Variants in IL1RAPL1 observed in about 807,000 individuals in gnomAD.
IL1RAPL1 encodes the protein interleukin-1 receptor accessory protein-like 1.
A neutral mutation model predicts 48.4 loss-of-function variants in IL1RAPL1; 3 were observed. The observed-to-expected ratio is 0.06, with a 90% CI of 0.03 to 0.16. The LOEUF (loss-of-function observed/expected upper bound fraction) is 0.16. Among genes scored for constraint, IL1RAPL1 ranks in the 10% least tolerant of loss-of-function variants. The pLI is 1.00. For synonymous variants in IL1RAPL1, 185 were observed against 187.7 expected (o/e 0.99, Z 0.12); for missense variants, 349 against 530.6 (o/e 0.66, Z 3.36).
At chrX:29,135,770 C>T (rs954885253) in intron 2 of IL1RAPL1, among the ~76,000 whole-genome samples, 5 of 111,655 alleles carry the variant, frequency 4.5e-5, no homozygotes, top group Non-Finnish European at 9.4e-5. Flanking sequence ...GTTTCACTCC[C>T]GTCACCCAGG....
chrX:29,105,376 A>G (rs941803786), intron 2 of IL1RAPL1, among the ~76,000 whole-genome samples: 1 of 112,052 alleles, frequency 8.9e-6, no homozygotes, highest in African/African-American at 3.2e-5. Flanking sequence ...TAAGGAATGA[A>G]ACTTTACACA....
intron 2 of IL1RAPL1, among the ~76,000 whole-genome samples, chrX:29,007,365 T>G (rs937781241): frequency 2.7e-5 from 3 of 112,037 alleles, no homozygotes; most frequent in African/African-American, 9.7e-5. Flanking sequence ...TATGATGTTC[T>G]TTAACATTTT....
At position 29,616,263 on chromosome X, in the gene IL1RAPL1, G is replaced by A. The variant is rs1029165215; in HGVS notation, c.704-52167G>A. On this transcript the variant is annotated intron_variant, in intron 5 of 10. Transcript: ENST00000378993. ...CATTCTGGGTCACTTTAGACTCATCGTAGCACTGATTTGGAGGAAAACAGT... is the reference window on the plus strand; with the variant it reads ...CATTCTGGGTCACTTTAGACTCATCATAGCACTGATTTGGAGGAAAACAGT... Among the ~76,000 whole-genome samples the A allele has an allele frequency of 8.1e-5, 9 of 110,761 alleles. No homozygotes were observed. In the East Asian group the frequency reaches 8.5e-4, roughly 10 times the overall value.
intron 6 of IL1RAPL1, among the ~76,000 whole-genome samples, chrX:29,724,656 G>T (rs1206556439): frequency 3.6e-5 from 4 of 111,779 alleles, no homozygotes; most frequent in Admixed American, 9.5e-5. Context: ...GACAGACCTG[G>T]CTTCAAATCT....
intron 2 of IL1RAPL1, among the ~76,000 whole-genome samples, chrX:28,972,600 G>A (rs1256022832): frequency 1.8e-5 from 2 of 110,682 alleles, no homozygotes; most frequent in African/African-American, 3.3e-5. Flanking sequence ...TTAGCCGGGC[G>A]TGGTGGCGGG....
At chrX:29,142,194 A>G (rs1752432146) in intron 2 of IL1RAPL1, among the ~76,000 whole-genome samples, 1 of 112,164 alleles carries the variant, frequency 8.9e-6, no homozygotes, top group African/African-American at 3.2e-5. Flanking sequence ...ATTTAAAAAT[A>G]ACTTTTATTA....
chrX:29,722,178 T>C (rs1267697199), intron 6 of IL1RAPL1, among the ~76,000 whole-genome samples: 1 of 111,984 alleles, frequency 8.9e-6, no homozygotes, highest in African/African-American at 3.2e-5. Flanking sequence ...TAGTTACCTT[T>C]TTTGTGGTAA....
At chrX:29,255,140 TGC>T (rs1555982068) in intron 2 of IL1RAPL1, among the ~76,000 whole-genome samples, 36 of 96,973 alleles carry the variant, frequency 3.7e-4, no homozygotes, top group Non-Finnish European at 5.0e-4. Flanking sequence ...TGTGTGTGTG[TGC>T]GTGTGTGTGT....
At chrX:29,164,187 G>A (rs188316308) in intron 2 of IL1RAPL1, among the ~76,000 whole-genome samples, 7 of 111,030 alleles carry the variant, frequency 6.3e-5, no homozygotes, top group African/African-American at 2.0e-4. Context: ...GACTTTGGAC[G>A]GCACACATTA....
At chrX:29,229,979 C>T (rs944198768) in intron 2 of IL1RAPL1, among the ~76,000 whole-genome samples, 1 of 112,043 alleles carries the variant, frequency 8.9e-6, no homozygotes, top group Non-Finnish European at 1.9e-5. Flanking sequence ...CACTGGCTGA[C>T]GTGGCATTGA....
chrX:29,133,660 G>T (rs1929068058), intron 2 of IL1RAPL1, among the ~76,000 whole-genome samples: 1 of 111,590 alleles, frequency 9.0e-6, no homozygotes, highest in Non-Finnish European at 1.9e-5. Flanking sequence ...TTGATGGACA[G>T]TTGTAATACA....
At chrX:29,803,409 ATATGTG>A (rs1176601102) in intron 6 of IL1RAPL1, among the ~76,000 whole-genome samples, 3 of 95,059 alleles carry the variant, frequency 3.2e-5, no homozygotes, top group African/African-American at 7.6e-5. Flanking sequence ...ATATATGTGT[ATATGTG>A]TATATGTGTA....
intron 3 of IL1RAPL1, among the ~76,000 whole-genome samples, chrX:29,356,378 G>T (rs749155466): frequency 4.7e-5 from 5 of 107,498 alleles, no homozygotes; most frequent in East Asian, 3.0e-4. Flanking sequence ...TTGTTGGTTT[G>T]TGTGTGTATC....
At chrX:29,332,861 G>A (rs1431429596) in intron 3 of IL1RAPL1, among the ~76,000 whole-genome samples, 12 of 110,053 alleles carry the variant, frequency 1.1e-4, no homozygotes, top group African/African-American at 3.9e-4. Flanking sequence ...TAACGAGCAT[G>A]CTGCCTTCAA....
intron 5 of IL1RAPL1, among the ~76,000 whole-genome samples, chrX:29,615,170 A>G (rs1325037891): frequency 8.9e-6 from 1 of 112,033 alleles, no homozygotes; most frequent in Non-Finnish European, 1.9e-5. Context: ...CCCCTGTTTT[A>G]TAGCTCTTCT....
chrX:28,734,120 T>C (rs1935789754), intron 1 of IL1RAPL1, among the ~76,000 whole-genome samples: 1 of 111,553 alleles, frequency 9.0e-6, no homozygotes, highest in Admixed American at 9.6e-5. Context: ...CCTCTGCTGC[T>C]ACAACCCTAC....
chrX:29,752,817 G>A (rs1928522693), intron 6 of IL1RAPL1, among the ~76,000 whole-genome samples: 1 of 111,918 alleles, frequency 8.9e-6, no homozygotes. Flanking sequence ...CTAAAAGTGA[G>A]TCATTTATTC....
chrX:29,600,714 T>G (rs1923695469), intron 5 of IL1RAPL1, among the ~76,000 whole-genome samples: 1 of 110,794 alleles, frequency 9.0e-6, no homozygotes. Context: ...GTGTCTGAGC[T>G]CAGACTCTCT....
chrX:28,777,940 C>A, intron 1 of IL1RAPL1, among the ~76,000 whole-genome samples: 1 of 111,517 alleles, frequency 9.0e-6, no homozygotes, highest in Admixed American at 9.6e-5. Context: ...GTTTGAGAAA[C>A]CCTGCCATAG....
Sources: allele counts gnomAD v4.1 joint callset (sites outside exome capture counted in the v4.1 genomes callset), GRCh38; gene constraint gnomAD v4.1.1; transcripts MANE v1.5; gene names NCBI Gene and HGNC (gene_info 2026-07-23, HGNC 2026-07-21).